AEBP1: variants seen among roughly 807,000 people sequenced by gnomAD.
AEBP1 encodes the protein AE binding protein 1, also known as adipocyte enhancer-binding protein 1.
A neutral mutation model predicts 116.5 loss-of-function variants in AEBP1; 69 were observed. That is an observed-to-expected ratio of 0.59 (90% CI 0.49 to 0.72). The LOEUF (loss-of-function observed/expected upper bound fraction) is 0.72. Ranked by LOEUF, AEBP1 falls within the 30% of genes least tolerant of loss-of-function variation. The pLI, the probability that AEBP1 is intolerant of heterozygous loss-of-function variation, is 0.00. For missense variants in AEBP1, 1,444 were observed against 1,557.5 expected (o/e 0.93, Z 1.23); for synonymous variants, 627 against 627.3 (o/e 1.00, Z 0.01).
At position 44,107,681 on chromosome 7, in the gene AEBP1, G is replaced by C. The variant is rs774791727; in HGVS notation, c.720G>C (p.Glu240Asp). The C allele has an allele frequency of 1.2e-6, 2 of 1,613,682 alleles. No homozygotes were observed. The highest frequency in any genetic ancestry group is 1.6e-4 in the Middle Eastern group (1 of 6,062). ...QPTLDYNDQI[E>D]REDYEDFEYI... Reference sequence around the variant, plus strand: ...CACTGGACTACAATGACCAGATCGAGAGGGAGGACTATGAGGACTGTGAGT... The same window carrying C: ...CACTGGACTACAATGACCAGATCGACAGGGAGGACTATGAGGACTGTGAGT... The change falls in exon 4 of 21, where the codon GAG becomes GAC. Residue 240 changes from glutamate to aspartate, a missense_variant. Glu to Asp is a conservative substitution (Grantham distance 45, BLOSUM62 2). Transcript: ENST00000223357. This position sits in a 1 kb window ranked among gnomAD's most constrained non-coding sequence, Gnocchi z 4.3.
rs759504950 is a variant in AEBP1, at chr7:44,107,803, C to A, written c.740-6C>A. Reference sequence around the variant, plus strand: ...GGGCCCCACTCTGAGCCAGCCTCCCCCTCAGTTGAGTACATTCGGCGCCAG... The same window carrying A: ...GGGCCCCACTCTGAGCCAGCCTCCCACTCAGTTGAGTACATTCGGCGCCAG... On this transcript the variant is annotated splice_polypyrimidine_tract_variant and splice_region_variant and intron_variant, in intron 4 of 20. Coordinates refer to ENST00000223357, the MANE Select transcript of AEBP1 (RefSeq NM_001129.5). This position sits in a 1 kb window ranked among gnomAD's most constrained non-coding sequence, Gnocchi z 4.3. The A allele has an allele frequency of 4.3e-6, 7 of 1,612,092 alleles. No homozygotes were observed. Among genetic ancestry groups the A allele is most frequent in the Non-Finnish European group, 5.1e-6 (6 of 1,179,634 alleles).
chr7:44,112,698 CGCAGCCATGGCA>C lies in AEBP1; in HGVS notation c.2365_2376del (p.Met789_Ala792del), dbSNP rs1179392735. The C allele has an allele frequency of 1.2e-6, 2 of 1,613,220 alleles. No individual in the cohort carries two copies. Among genetic ancestry groups the C allele is most frequent in the South Asian group, 1.1e-5 (1 of 91,068 alleles). On this transcript the variant is annotated inframe_deletion, in exon 18 of 21. Coordinates refer to ENST00000223357, the MANE Select transcript of AEBP1 (RefSeq NM_001129.5). The surrounding 1 kb of genome is among the most constrained non-coding windows in gnomAD (Gnocchi z 6.6). ...CGCCTACCCAGGAGCAGCTGCTGGC[CGCAGCCATGGCA>C]GCAGCCCGGGGGGAGGATGAGGACG... is the stretch of plus-strand genomic sequence containing the variant.
Position 44,112,753 on chromosome 7 carries a change from G to T in AEBP1, c.2413G>T (p.Glu805Ter), listed in dbSNP as rs1220305343. ...EDEDEVSEAQ[E>*]TPDHAIFRWL... ...TGAGGACGAGGTCTCCGAGGCCCAG[G>T]AGACTCCAGACCACGCCATCTTCCG... Residue 805 changes from glutamate (E) to a stop codon, truncating the protein, a stop_gained, in exon 18 of 21, where the codon GAG becomes TAG. Coordinates refer to ENST00000223357, the MANE Select transcript of AEBP1 (RefSeq NM_001129.5). LOFTEE classifies it high-confidence loss of function. This position sits in a 1 kb window ranked among gnomAD's most constrained non-coding sequence, Gnocchi z 6.6. 2.5e-6 allele frequency: 4 copies of T among 1,613,180 alleles called. No individual in the cohort carries two copies. The highest frequency in any genetic ancestry group is 3.4e-6 in the Non-Finnish European group (4 of 1,179,970).
Position 44,114,152 on chromosome 7 carries a change from C to T in AEBP1, c.3368C>T (p.Pro1123Leu). Residue 1123 changes from proline to leucine, a missense_variant, in exon 21 of 21, where the codon CCC (proline) becomes CTC (leucine). By Grantham distance (98) the Pro-to-Leu change is moderately conservative. Coordinates refer to ENST00000223357, the MANE Select transcript of AEBP1 (RefSeq NM_001129.5). ...CCTGAGTTTGAGACCCAGCTGGAAC[C>T]CGAGTTTGAGGAAGAGGAGGAGGAG... ...LEPEFETQLE[P>L]EFEEEEEEEK... 6.2e-7 allele frequency: 1 copy of T among 1,614,002 alleles called. No individual in the cohort carries two copies. Among genetic ancestry groups the T allele is most frequent in the Non-Finnish European group, 8.5e-7 (1 of 1,180,032 alleles).
At position 44,112,441 on chromosome 7, in the gene AEBP1, T is replaced by A; in HGVS notation, c.2218-117T>A. 3 of 1,390,394 alleles carry A rather than the reference T, an allele frequency of 2.2e-6. No individual in the cohort carries two copies. Among genetic ancestry groups the A allele is most frequent in the Non-Finnish European group, 2.9e-6 (3 of 1,033,002 alleles). The allele number at this position is 1,390,394 out of a possible 1,614,324, so 86.1% of individuals were successfully genotyped here. On this transcript the variant is annotated intron_variant, in intron 17 of 20. Coordinates refer to ENST00000223357, the MANE Select transcript of AEBP1 (RefSeq NM_001129.5). The surrounding 1 kb of genome is among the most constrained non-coding windows in gnomAD (Gnocchi z 6.6). Reference sequence around the variant, plus strand: ...ACTCCAGACGCTGAGGCTCTGGGGGTTGGGGGACAGGGGATCGTGCGAGTA... The same window carrying A: ...ACTCCAGACGCTGAGGCTCTGGGGGATGGGGGACAGGGGATCGTGCGAGTA...
In AEBP1 at chr7:44,113,138, G is replaced by A. The variant is rs1171104074; in HGVS notation, c.2709+8G>A. Reference sequence around the variant, plus strand: ...CTCACCTTCATGGAGCAGGTGGGGTGGCTAGGGCAATGCCTGGGGAGAGGA... The same window carrying A: ...CTCACCTTCATGGAGCAGGTGGGGTAGCTAGGGCAATGCCTGGGGAGAGGA... On this transcript the variant is annotated splice_region_variant and intron_variant, in intron 19 of 20. Transcript: ENST00000223357. The surrounding 1 kb of genome is among the most constrained non-coding windows in gnomAD (Gnocchi z 5.3). The A allele has an allele frequency of 1.2e-6, 2 of 1,613,904 alleles. No homozygotes were observed. The highest frequency in any genetic ancestry group is 1.3e-5 in the African/African-American group (1 of 75,012).
chr7:44,111,076 C>T lies in AEBP1; in HGVS notation c.1630+19C>T. On this transcript the variant is annotated intron_variant, in intron 13 of 20. Transcript: ENST00000223357. The surrounding 1 kb of genome is among the most constrained non-coding windows in gnomAD (Gnocchi z 4.7). ...GTGGCCCGTGAGTGTGGAGGGCTGGCAGGGGCTCTGAGTGGAGGTGGGGTG... is the reference window on the plus strand; with the variant it reads ...GTGGCCCGTGAGTGTGGAGGGCTGGTAGGGGCTCTGAGTGGAGGTGGGGTG... The T allele has an allele frequency of 6.2e-7, 1 of 1,601,912 alleles. No homozygotes were observed. Among genetic ancestry groups the T allele is most frequent in the Non-Finnish European group, 8.5e-7 (1 of 1,172,428 alleles).
In AEBP1 at chr7:44,107,038, T is replaced by C. The variant is rs556158257; in HGVS notation, c.595+151T>C. ...CTCACTTTTGCTATAAATTTCACAA[T>C]TTGATTGGTGGGCTCCCTCAGTGCT... On this transcript the variant is annotated intron_variant, in intron 2 of 20. Transcript: ENST00000223357. The surrounding 1 kb of genome is among the most constrained non-coding windows in gnomAD (Gnocchi z 4.3). 1.4e-6 allele frequency: 1 copy of C among 695,230 alleles called. No individual in the cohort carries two copies. The highest frequency in any genetic ancestry group is 2.7e-5 in the East Asian group (1 of 36,832). The allele number at this position is 695,230 out of a possible 1,614,324, so 43.1% of individuals were successfully genotyped here.
At position 44,107,325 on chromosome 7, in the gene AEBP1, A is replaced by G; in HGVS notation, c.596-114A>G. ...GCCTCCTTGGAGTGAGCTCGGCCTC[A>G]GGAGGGTGTCCACAGGCTCTGTGTG... On this transcript the variant is annotated intron_variant, in intron 2 of 20. Transcript: ENST00000223357. The surrounding 1 kb of genome is among the most constrained non-coding windows in gnomAD (Gnocchi z 4.3). The G allele has an allele frequency of 9.6e-7, 1 of 1,042,504 alleles. No individual in the cohort carries two copies. 64.6% of individuals were successfully genotyped at this position (1,042,504 alleles called of 1,614,324 possible). A position where few individuals can be genotyped will look rare whatever the true frequency, so the allele number is the denominator to read the frequency against.
In AEBP1 at chr7:44,114,106, G is replaced by C; in HGVS notation, c.3322G>C (p.Glu1108Gln). 1 of 1,613,900 alleles carries C rather than the reference G, an allele frequency of 6.2e-7. No individual in the cohort carries two copies. Among genetic ancestry groups the C allele is most frequent in the Non-Finnish European group, 8.5e-7 (1 of 1,179,996 alleles). Residue 1108 changes from glutamate to glutamine, a missense_variant, in exon 21 of 21, where the codon GAG becomes CAG. Transcript: ENST00000223357. ...EPEFGTKVEPEFETQLEPEFE... is the reference protein window; with the variant it reads ...EPEFGTKVEPQFETQLEPEFE... ...CGAGTTTGGGACCAAGGTGGAGCCC[G>C]AGTTTGAGACCCAGTTGGAGCCTGA...
In AEBP1 at chr7:44,106,417, C is replaced by G. The variant is rs1376519324; in HGVS notation, c.254-129C>G. The G allele has an allele frequency of 4.7e-6, 5 of 1,060,366 alleles. No homozygotes were observed. In the East Asian group the frequency reaches 1.3e-4, roughly 27 times the overall value. The allele number at this position is 1,060,366 out of a possible 1,614,324, so 65.7% of individuals were successfully genotyped here. A position where few individuals can be genotyped will look rare whatever the true frequency, so the allele number is the denominator to read the frequency against. The stretch of plus-strand genomic sequence containing the variant: ...GCCACTTGGGCAAATGACTTAACCT[C>G]TCAGTTTGCTGATCCGCACTGGGAA... On this transcript the variant is annotated intron_variant, in intron 1 of 20. Transcript: ENST00000223357.
rs751259605 is a variant in AEBP1 at position 44,112,723 on chromosome 7, G to A, written c.2383G>A (p.Glu795Lys). ...LAAAMAAARG[E>K]DEDEVSEAQE... ...CGCAGCCATGGCAGCAGCCCGGGGG[G>A]AGGATGAGGACGAGGTCTCCGAGGC... The change falls in exon 18 of 21, where the codon GAG becomes AAG. Residue 795 changes from glutamate (E) to lysine (K), a missense_variant. Coordinates refer to ENST00000223357, the MANE Select transcript of AEBP1 (RefSeq NM_001129.5). The surrounding 1 kb of genome is among the most constrained non-coding windows in gnomAD (Gnocchi z 6.6). The A allele has an allele frequency of 6.2e-7, 1 of 1,613,302 alleles. No individual in the cohort carries two copies. Among genetic ancestry groups the A allele is most frequent in the Admixed American group, 1.7e-5 (1 of 59,996 alleles).
intron 9 of AEBP1, 137 bp from the exon 10 acceptor site, chr7:44,109,878 G>A: frequency 1.3e-6 from 1 of 755,446 alleles, no homozygotes; most frequent in African/African-American, 1.8e-5. Flanking sequence ...GGGCACCAGG[G>A]AGCCACCAGC....
intron 9 of AEBP1, 82 bp downstream of exon 9, chr7:44,109,423 C>T (rs1397553042): frequency 7.2e-6 from 10 of 1,387,962 alleles, no homozygotes; most frequent in South Asian, 2.9e-5. Context: ...ATGTCACAAA[C>T]AGGACCCAGG....
rs1192742666 is a variant in AEBP1, at chr7:44,104,735, CGCCCGCA to C, written c.72_78del (p.Pro25ArgfsTer3). The C allele has an allele frequency of 6.2e-7, 1 of 1,611,090 alleles. No individual in the cohort carries two copies. The highest frequency in any genetic ancestry group is 8.5e-7 in the Non-Finnish European group (1 of 1,179,388). On this transcript the variant is annotated frameshift_variant, in exon 1 of 21. Transcript: ENST00000223357. LOFTEE classifies it high-confidence loss of function. ...GTTGCTGGCCCTGTGCCCTGGAGGG[CGCCCGCA>C]GACGGTGCTGACCGACGACGAGATC...
chr7:44,109,450 C>T, intron 9 of AEBP1, 109 bp downstream of exon 9: 3 of 1,270,422 alleles, frequency 2.4e-6, no homozygotes, highest in South Asian at 3.1e-5. Flanking sequence ...GAACCCTTTC[C>T]TACTCAGATT....
rs200342317 is a variant in AEBP1 at position 44,107,631 on chromosome 7, C to G, written c.670C>G (p.Pro224Ala). ...AGCTACCAGCGCTTTCCCCTCAGAG[C>G]CGGAGGAGGAGACCGAGCAACCCAC... ...HVEAREHQPE[P>A]EEETEQPTLD... is the part of the protein sequence containing the mutation. The change falls in exon 4 of 21, where the codon CCG (proline) becomes GCG (alanine). Residue 224 changes from proline to alanine, a missense_variant and splice_region_variant. Pro to Ala is a conservative substitution (Grantham distance 27). Transcript: ENST00000223357. This position sits in a 1 kb window ranked among gnomAD's most constrained non-coding sequence, Gnocchi z 4.3. The G allele has an allele frequency of 6.2e-6, 10 of 1,613,618 alleles. No homozygotes were observed. In the African/African-American group the frequency reaches 9.3e-5, roughly 15 times the overall value.
At position 44,114,441 on chromosome 7, in the gene AEBP1, G is replaced by C; in HGVS notation, c.*180G>C. The C allele has an allele frequency of 2.8e-6, 2 of 718,514 alleles. No individual in the cohort carries two copies. The highest frequency in any genetic ancestry group is 3.8e-5 in the South Asian group (2 of 52,162). 44.5% of individuals were successfully genotyped at this position (718,514 alleles called of 1,614,324 possible). A position where few individuals can be genotyped will look rare whatever the true frequency, so the allele number is the denominator to read the frequency against. ...AAACATGACTGGGACCTAAGAGCCA[G>C]AGGCTGTGTAGAGGCTCCTGCTCCA... On this transcript the variant is annotated 3_prime_UTR_variant, in exon 21 of 21. Transcript: ENST00000223357.
In AEBP1 at chr7:44,110,900, T is replaced by G. The variant is rs778016683; in HGVS notation, c.1486-13T>G. ...GGGCTGGCAGTACTGCTCTGAGGCC[T>G]GCCTCTCCCCAGACCTTTCATGGGA... On this transcript the variant is annotated splice_polypyrimidine_tract_variant and intron_variant, in intron 12 of 20. Coordinates refer to ENST00000223357, the MANE Select transcript of AEBP1 (RefSeq NM_001129.5). The G allele has an allele frequency of 1.2e-6, 2 of 1,613,704 alleles. No individual in the cohort carries two copies. Among genetic ancestry groups the G allele is most frequent in the Non-Finnish European group, 1.7e-6 (2 of 1,180,000 alleles).
Sources: allele counts gnomAD v4.1 joint callset, GRCh38; gene constraint gnomAD v4.1.1; non-coding constraint Gnocchi (gnomAD v3.1); transcripts MANE v1.5; gene names NCBI Gene and HGNC (gene_info 2026-07-23, HGNC 2026-07-21).